Variants in RIC8B observed in about 807,000 individuals in gnomAD.
RIC8B encodes the protein chaperone Ric-8B.
Under a neutral mutation model 57.5 loss-of-function variants are expected in RIC8B, and 16 were observed. The ratio of observed to expected loss-of-function variants is 0.28; its 90% CI spans 0.19 to 0.42. The LOEUF (loss-of-function observed/expected upper bound fraction) is 0.42. Ranked by LOEUF, RIC8B falls within the 10% of genes least tolerant of loss-of-function variation. The pLI is 1.00. For missense variants in RIC8B, 481 were observed against 677.0 expected (o/e 0.71, Z 3.21); for synonymous variants, 216 against 250.8 (o/e 0.86, Z 1.31).
intron 8 of RIC8B, among the ~76,000 whole-genome samples, chr12:106,860,923 T>TCTGTTAAAAC: frequency 6.6e-6 from 1 of 152,044 alleles, no homozygotes; most frequent in Admixed American, 6.5e-5. Flanking sequence ...CAAACAAACA[T>TCTGTTAAAAC]ATAAGACTCA....
chr12:106,775,495 A>T, intron 1 of RIC8B: 1 of 370,678 alleles, frequency 2.7e-6, no homozygotes, highest in Non-Finnish European at 5.4e-6. Context: ...TTTCCTATCC[A>T]TTATCTTATT....
At chr12:106,798,436 T>G (rs2136220381) in intron 2 of RIC8B, among the ~76,000 whole-genome samples, 1 of 152,300 alleles carries the variant, frequency 6.6e-6, no homozygotes, top group Admixed American at 6.5e-5. Context: ...TTCCTCTGTC[T>G]TCTTTTCTGA....
chr12:106,788,321 G>A (rs949290375), intron 2 of RIC8B, among the ~76,000 whole-genome samples: 2 of 152,182 alleles, frequency 1.3e-5, no homozygotes, highest in South Asian at 4.1e-4. Context: ...TTCAGTGTCT[G>A]CGGCTCTTCC....
Position 106,847,704 on chromosome 12 carries a change from A to T in RIC8B, c.1162-3746A>T, listed in dbSNP as rs1446284591. 5.9e-5 allele frequency among the ~76,000 whole-genome samples: 9 copies of T among 152,318 alleles called. No homozygotes were observed. The East Asian group carries it at 1.7e-3, about 29-fold the overall frequency. Reference sequence around the variant, plus strand: ...AGAGAGAAGAAAGTCATTTGAGTGGATCAAGTAAAATTATATATACATAAA... The same window carrying T: ...AGAGAGAAGAAAGTCATTTGAGTGGTTCAAGTAAAATTATATATACATAAA... On this transcript the variant is annotated intron_variant, in intron 6 of 9. Coordinates refer to ENST00000392837, the MANE Select transcript of RIC8B (RefSeq NM_001330145.2).
rs55853235 is a variant in RIC8B at position 106,803,215 on chromosome 12, C to CAAAAAAAAAAA, written c.133-11468_133-11458dup. ...TGACAAGAGTGATGATACCCTGTCT[C>CAAAAAAAAAAA]AAAAAAAAAAAAAAAAAAAAAAAGC... On this transcript the variant is annotated intron_variant, in intron 2 of 9. Transcript: ENST00000392837. Among the ~76,000 whole-genome samples, 42 of 84,008 alleles carry CAAAAAAAAAAA rather than the reference C, an allele frequency of 5.0e-4. 1 individual carries two copies. The highest frequency in any genetic ancestry group is 2.1e-3 in the African/African-American group (42 of 20,278). 55.1% of individuals were successfully genotyped at this position (84,008 alleles called of 152,430 possible). A position where few individuals can be genotyped will look rare whatever the true frequency, so the allele number is the denominator to read the frequency against.
chr12:106,858,885 T>C (rs1300767598), intron 7 of RIC8B, among the ~76,000 whole-genome samples: 1 of 152,094 alleles, frequency 6.6e-6, no homozygotes, highest in Admixed American at 6.6e-5. Flanking sequence ...GTAAACTCTA[T>C]CCTAGAATAT....
At chr12:106,853,533 A>G (rs796880346) in intron 7 of RIC8B, among the ~76,000 whole-genome samples, 2 of 128,912 alleles carry the variant, frequency 1.6e-5, no homozygotes, top group African/African-American at 3.1e-5. Context: ...CAGTGGTGCA[A>G]TCTCGGCTCA....
intron 2 of RIC8B, among the ~76,000 whole-genome samples, chr12:106,800,249 C>A (rs1474456869): frequency 6.6e-6 from 1 of 152,124 alleles, no homozygotes; most frequent in East Asian, 1.9e-4. Context: ...GTTCTACAGG[C>A]TGTACAGGAA....
At chr12:106,883,904 C>T (rs113842137) in intron 9 of RIC8B, among the ~76,000 whole-genome samples, 2,903 of 152,290 alleles carry the variant, frequency 0.019, 99 homozygotes, top group African/African-American at 0.067. Flanking sequence ...TTACCTCCTG[C>T]CCCTCCTTCA....
intron 2 of RIC8B, among the ~76,000 whole-genome samples, chr12:106,800,361 G>A (rs553565177): frequency 5.3e-5 from 8 of 152,214 alleles, no homozygotes; most frequent in African/African-American, 1.9e-4. Flanking sequence ...GAGGAAGAGA[G>A]AGAGAAGGGG....
intron 2 of RIC8B, among the ~76,000 whole-genome samples, chr12:106,813,574 C>G (rs2045437044): frequency 6.6e-6 from 1 of 152,028 alleles, no homozygotes; most frequent in African/African-American, 2.4e-5. Context: ...CACACAGATA[C>G]CAAGGGATGA....
chr12:106,802,845 T>C (rs1180161349), intron 2 of RIC8B, among the ~76,000 whole-genome samples: 1 of 152,040 alleles, frequency 6.6e-6, no homozygotes, highest in Non-Finnish European at 1.5e-5. Context: ...AATCCTCTTG[T>C]CCTGAGTATG....
intron 2 of RIC8B, among the ~76,000 whole-genome samples, chr12:106,805,883 G>A (rs943397624): frequency 6.6e-6 from 1 of 152,052 alleles, no homozygotes; most frequent in African/African-American, 2.4e-5. Flanking sequence ...ATCTTGAAAG[G>A]TATCTACTTC....
intron 3 of RIC8B, among the ~76,000 whole-genome samples, chr12:106,821,298 T>C (rs2045830684): frequency 6.6e-6 from 1 of 152,190 alleles, no homozygotes; most frequent in African/African-American, 2.4e-5. Flanking sequence ...CGGATATTTA[T>C]GGAGACATAG....
intron 8 of RIC8B, among the ~76,000 whole-genome samples, chr12:106,868,766 GACACACAC>G (rs56293147): frequency 0.22 from 27,499 of 122,844 alleles, 3,476 homozygotes; most frequent in Non-Finnish European, 0.29. Flanking sequence ...AGGCACTCTA[GACACACAC>G]ACACACACAC....
rs113094861 is a variant in RIC8B, at chr12:106,880,426, C to G, written c.1572-5478C>G. On this transcript the variant is annotated intron_variant, in intron 9 of 9. Transcript: ENST00000392837. ...ATTAGTATAGAATATTGGGGATCAT[C>G]TTGTCCAACCACTCACTTTATAGAT... 2.2e-3 allele frequency among the ~76,000 whole-genome samples: 335 copies of G among 152,220 alleles called. 1 individual carries two copies. Among genetic ancestry groups the G allele is most frequent in the Non-Finnish European group, 3.7e-3 (253 of 68,000 alleles).
At chr12:106,869,021 G>A (rs769457152) in intron 8 of RIC8B, among the ~76,000 whole-genome samples, 68 of 152,022 alleles carry the variant, frequency 4.5e-4, no homozygotes, top group Admixed American at 8.5e-4. Flanking sequence ...AAACAAGTGG[G>A]TAGGGGACAA....
chr12:106,878,373 C>T (rs1047275972), intron 9 of RIC8B, among the ~76,000 whole-genome samples: 8 of 151,900 alleles, frequency 5.3e-5, no homozygotes, highest in Non-Finnish European at 1.2e-4. Flanking sequence ...ATTGGGAAAC[C>T]CGTTATACTT....
chr12:106,871,025 C>A, intron 9 of RIC8B, 83 bp downstream of exon 9: 1 of 1,346,862 alleles, frequency 7.4e-7, no homozygotes, highest in Non-Finnish European at 1.0e-6. Context: ...TACCATAGAA[C>A]AGCAACTCTG....
Sources: gnomAD v4.1 joint callset for allele counts (sites outside exome capture counted in the v4.1 genomes callset) on GRCh38, gnomAD v4.1.1 for gene constraint, MANE v1.5 for transcripts, NCBI Gene and HGNC (gene_info 2026-07-23, HGNC 2026-07-21) for gene names.